Variants in ZDHHC14 observed in about 807,000 individuals in gnomAD.
ZDHHC14 encodes zDHHC palmitoyltransferase 14.
A neutral mutation model predicts 47.7 loss-of-function variants in ZDHHC14; 16 were observed. The observed-to-expected ratio is 0.34, with a 90% CI of 0.23 to 0.51. The LOEUF (loss-of-function observed/expected upper bound fraction) is 0.51. Among genes scored for constraint, ZDHHC14 ranks in the 20% least tolerant of loss-of-function variants. The pLI is 0.97. For missense variants in ZDHHC14, 515 were observed against 662.5 expected (o/e 0.78, Z 2.44); for synonymous variants, 293 against 278.9 (o/e 1.05, Z -0.50).
intron 1 of ZDHHC14, among the ~76,000 whole-genome samples, chr6:157,528,752 A>G (rs1781257440): frequency 6.6e-6 from 1 of 151,328 alleles, no homozygotes; most frequent in Non-Finnish European, 1.5e-5. Context: ...AATAAAATAA[A>G]ATAAAATAAT....
chr6:157,510,864 G>GCT (rs1207180952), intron 1 of ZDHHC14, among the ~76,000 whole-genome samples: 2 of 152,232 alleles, frequency 1.3e-5, no homozygotes, highest in African/African-American at 4.8e-5. Flanking sequence ...GCCTTCCTCA[G>GCT]ACACCTCCCT....
At chr6:157,417,804 AT>A (rs1343632677) in intron 1 of ZDHHC14, among the ~76,000 whole-genome samples, 1 of 152,174 alleles carries the variant, frequency 6.6e-6, no homozygotes, top group Non-Finnish European at 1.5e-5. Flanking sequence ...AATACAAAAA[AT>A]TAGCCGGGCG....
rs1451481863 is a variant in ZDHHC14, at chr6:157,677,864, A to C, written c.*4742A>C. ...TAGCCTGCAATTAAAAAAAAAAAAA[A>C]AAACGGTTGAAGCCTTGCTAACTTT... On this transcript the variant is annotated 3_prime_UTR_variant, in exon 9 of 9. Transcript: ENST00000359775. The C allele has an allele frequency of 2.0e-5, 3 of 152,108 alleles. No individual in the cohort carries two copies. Among genetic ancestry groups the C allele is most frequent in the Non-Finnish European group, 4.4e-5 (3 of 68,024 alleles). The allele number at this position is 152,108 out of a possible 1,614,324, so 9.4% of individuals were successfully genotyped here.
intron 1 of ZDHHC14, among the ~76,000 whole-genome samples, chr6:157,487,345 A>G (rs1779805898): frequency 6.6e-6 from 1 of 152,206 alleles, no homozygotes; most frequent in South Asian, 2.1e-4. Flanking sequence ...GCGCGGTCCT[A>G]GTGAGGGCCT....
intron 2 of ZDHHC14, among the ~76,000 whole-genome samples, chr6:157,563,313 C>T (rs991745996): frequency 4.6e-5 from 7 of 152,234 alleles, no homozygotes; most frequent in Non-Finnish European, 8.8e-5. Flanking sequence ...GGGCGTTAAG[C>T]GTGCCTCTTC....
At chr6:157,614,351 C>T (rs918017182) in intron 3 of ZDHHC14, among the ~76,000 whole-genome samples, 1 of 141,920 alleles carries the variant, frequency 7.0e-6, no homozygotes, top group South Asian at 2.3e-4. Context: ...ACCACATTTA[C>T]TAGCTGACTG....
chr6:157,653,669 T>C (rs1471326297), intron 8 of ZDHHC14, 42 bp downstream of exon 8: 2 of 1,587,792 alleles, frequency 1.3e-6, no homozygotes, highest in East Asian at 4.5e-5. Context: ...GCTTCCCTTT[T>C]GCTTGTGTGC....
intron 1 of ZDHHC14, among the ~76,000 whole-genome samples, chr6:157,492,908 A>C (rs1779963475): frequency 6.6e-6 from 1 of 152,124 alleles, no homozygotes; most frequent in South Asian, 2.1e-4. Context: ...TTGGAACAGC[A>C]AGAAAGGCTG....
At chr6:157,397,071 G>C (rs1411975020) in intron 1 of ZDHHC14, among the ~76,000 whole-genome samples, 2 of 152,156 alleles carry the variant, frequency 1.3e-5, no homozygotes, top group Non-Finnish European at 2.9e-5. Flanking sequence ...GATTATTCTT[G>C]ACTCTTATGT....
At chr6:157,649,528 C>T (rs1777721733) in intron 7 of ZDHHC14, among the ~76,000 whole-genome samples, 1 of 152,222 alleles carries the variant, frequency 6.6e-6, no homozygotes, top group Admixed American at 6.5e-5. Context: ...CTTAAGTGGG[C>T]CAGGGCCTTC....
At chr6:157,562,811 C>A (rs530406106) in intron 2 of ZDHHC14, among the ~76,000 whole-genome samples, 6 of 152,254 alleles carry the variant, frequency 3.9e-5, no homozygotes, top group African/African-American at 1.4e-4. Flanking sequence ...GAGGGGCAGC[C>A]TCCTCAGAAA....
intron 1 of ZDHHC14, among the ~76,000 whole-genome samples, chr6:157,539,930 A>G (rs1781683911): frequency 1.3e-5 from 2 of 152,048 alleles, no homozygotes; most frequent in African/African-American, 4.8e-5. Flanking sequence ...CCTTCATATT[A>G]TCATCAGAGA....
intron 1 of ZDHHC14, among the ~76,000 whole-genome samples, chr6:157,419,356 A>T (rs1360846316): frequency 6.6e-6 from 1 of 152,182 alleles, no homozygotes; most frequent in Non-Finnish European, 1.5e-5. Context: ...TAGTTTTTTC[A>T]TATCAGAAAG....
intron 2 of ZDHHC14, among the ~76,000 whole-genome samples, chr6:157,549,604 AG>A (rs1782138892): frequency 1.3e-5 from 2 of 152,204 alleles, no homozygotes; most frequent in Admixed American, 1.3e-4. Context: ...CTCCTGCACA[AG>A]GTCAGGGTGG....
chr6:157,632,361 A>G (rs958050175), intron 4 of ZDHHC14: 3 of 159,794 alleles, frequency 1.9e-5, no homozygotes, highest in African/African-American at 7.2e-5. Flanking sequence ...TAAAATGTCT[A>G]AAGCCCAAGA....
intron 2 of ZDHHC14, among the ~76,000 whole-genome samples, chr6:157,589,833 T>C (rs1049557910): frequency 6.6e-6 from 1 of 151,678 alleles, no homozygotes; most frequent in Non-Finnish European, 1.5e-5. Flanking sequence ...CAGGGAGAGG[T>C]TGGAACAGTT....
intron 1 of ZDHHC14, among the ~76,000 whole-genome samples, chr6:157,497,148 C>A (rs1780088006): frequency 6.6e-6 from 1 of 152,094 alleles, no homozygotes; most frequent in South Asian, 2.1e-4. Flanking sequence ...GAGCAAAGCT[C>A]TTTGATTTTG....
rs867135862 is a variant in ZDHHC14 at position 157,464,071 on chromosome 6, T to C, written c.246-78514T>C. Among the ~76,000 whole-genome samples, 5 of 152,252 alleles carry C rather than the reference T, an allele frequency of 3.3e-5. No individual in the cohort carries two copies. In the South Asian group the frequency reaches 1.0e-3, roughly 32 times the overall value. ...TAAATTAACACTAATGATGAAACTTTTAAAAGTTGTAGTAAGCAAAGGTAA... is the reference window on the plus strand; with the variant it reads ...TAAATTAACACTAATGATGAAACTTCTAAAAGTTGTAGTAAGCAAAGGTAA... On this transcript the variant is annotated intron_variant, in intron 1 of 8. Coordinates refer to ENST00000359775, the MANE Select transcript of ZDHHC14 (RefSeq NM_024630.3).
At chr6:157,561,653 G>A (rs1199955093) in intron 2 of ZDHHC14, among the ~76,000 whole-genome samples, 1 of 152,118 alleles carries the variant, frequency 6.6e-6, no homozygotes, top group Non-Finnish European at 1.5e-5. Flanking sequence ...CTCTTGAATT[G>A]TTGAGTTGAA....
Sources: gnomAD v4.1 joint callset for allele counts (sites outside exome capture counted in the v4.1 genomes callset) on GRCh38, gnomAD v4.1.1 for gene constraint, MANE v1.5 for transcripts, NCBI Gene and HGNC (gene_info 2026-07-23, HGNC 2026-07-21) for gene names.